The following STXBP5L variants were observed in gnomAD, a reference collection of about 807,000 sequenced individuals.
STXBP5L encodes syntaxin binding protein 5L, also known as syntaxin-binding protein 5-like.
In STXBP5L, 65 loss-of-function variants were observed where a neutral mutation model predicts 144.5. The ratio of observed to expected loss-of-function variants is 0.45; its 90% CI spans 0.37 to 0.55. The LOEUF is 0.55. Ranked by LOEUF, STXBP5L falls within the 20% of genes least tolerant of loss-of-function variation. The probability of loss-of-function intolerance (pLI) is 0.00; values close to 1 mark genes in which losing one functional copy is unlikely to be tolerated. For synonymous variants in STXBP5L, 505 were observed against 469.6 expected, an observed-to-expected ratio of 1.08 and a Z score of -0.97; for missense variants, 1,298 against 1,405.5, an observed-to-expected ratio of 0.92 and a Z score of 1.22.
At chr3:121,141,035 T>C (rs1337310146) in intron 7 of STXBP5L, among the ~76,000 whole-genome samples, 1 of 152,078 alleles carries the variant, frequency 6.6e-6, no homozygotes, top group African/African-American at 2.4e-5. Flanking sequence ...ATAAAAGAAA[T>C]AAACTTTTTA....
chr3:120,917,716 ATAAG>A (rs1041198055), intron 2 of STXBP5L, among the ~76,000 whole-genome samples: 8 of 152,180 alleles, frequency 5.3e-5, no homozygotes, highest in East Asian at 3.9e-4. Context: ...AGATAAATAA[ATAAG>A]TAAGTAAAAT....
In STXBP5L at chr3:121,336,622, G is replaced by T. The variant is rs558647723; in HGVS notation, c.2176+18082G>T. 9.2e-5 allele frequency among the ~76,000 whole-genome samples: 14 copies of T among 152,218 alleles called. No individual in the cohort carries two copies. The South Asian group carries it at 2.9e-3, about 32-fold the overall frequency. On this transcript the variant is annotated intron_variant, in intron 20 of 26. Transcript: ENST00000471454. ...AAAAAAAAATAACAGATGCTGCAAG[G>T]TTGCAGAGAAAAGGGAATGCTTATA...
chr3:121,027,143 A>G (rs1358929381), intron 3 of STXBP5L, among the ~76,000 whole-genome samples: 1 of 152,002 alleles, frequency 6.6e-6, no homozygotes, highest in Non-Finnish European at 1.5e-5. Flanking sequence ...GTTTATATAT[A>G]TGTATATATC....
intron 5 of STXBP5L, among the ~76,000 whole-genome samples, chr3:121,052,062 G>C (rs1576787142): frequency 6.6e-6 from 1 of 152,054 alleles, no homozygotes; most frequent in African/African-American, 2.4e-5. Context: ...AGACCAATAA[G>C]AGGTTCTGAA....
At chr3:121,106,694 T>A in intron 5 of STXBP5L, among the ~76,000 whole-genome samples, 1 of 152,202 alleles carries the variant, frequency 6.6e-6, no homozygotes, top group East Asian at 1.9e-4. Flanking sequence ...AATAGTGCTG[T>A]AATGAACATA....
chr3:121,122,679 A>G (rs1446654992), intron 7 of STXBP5L, among the ~76,000 whole-genome samples: 2 of 151,390 alleles, frequency 1.3e-5, no homozygotes, highest in African/African-American at 4.8e-5. Context: ...GAATAGTAAG[A>G]CCTCTGCCTC....
At chr3:121,034,648 T>C (rs889885317) in intron 3 of STXBP5L, among the ~76,000 whole-genome samples, 1 of 152,172 alleles carries the variant, frequency 6.6e-6, no homozygotes, top group Non-Finnish European at 1.5e-5. Context: ...ATTGATTCCA[T>C]GTATCTGCTA....
rs1307273120 is a variant in STXBP5L at position 121,195,128 on chromosome 3, G to A, written c.878-10795G>A. Among the ~76,000 whole-genome samples the A allele has an allele frequency of 5.9e-5, 9 of 151,752 alleles. 1 individual carries two copies. Among genetic ancestry groups the A allele is most frequent in the Admixed American group, 5.3e-4 (8 of 15,232 alleles). ...CAAAATTTAGACGGGATTTCATTATGTTGGCCAGGATGGTCTCGATCTCTT... is the reference window on the plus strand; with the variant it reads ...CAAAATTTAGACGGGATTTCATTATATTGGCCAGGATGGTCTCGATCTCTT... On this transcript the variant is annotated intron_variant, in intron 9 of 26. Transcript: ENST00000471454.
At chr3:121,115,325 T>A (rs189265644) in intron 6 of STXBP5L, among the ~76,000 whole-genome samples, 1 of 152,304 alleles carries the variant, frequency 6.6e-6, no homozygotes, top group Admixed American at 6.5e-5. Flanking sequence ...AAGTTATACA[T>A]GGAAATCTCA....
At chr3:120,975,437 T>A (rs1200967656) in intron 3 of STXBP5L, among the ~76,000 whole-genome samples, 1 of 152,200 alleles carries the variant, frequency 6.6e-6, no homozygotes, top group Admixed American at 6.6e-5. Context: ...CTTAAGGAGA[T>A]TTTGGGCTGA....
intron 22 of STXBP5L, among the ~76,000 whole-genome samples, chr3:121,389,573 T>G (rs2046522077): frequency 6.6e-6 from 1 of 152,236 alleles, no homozygotes; most frequent in Admixed American, 6.5e-5. Flanking sequence ...CCAGAGATCC[T>G]GGTACATTGT....
At chr3:120,967,577 T>G (rs1939754162) in intron 3 of STXBP5L, among the ~76,000 whole-genome samples, 1 of 152,200 alleles carries the variant, frequency 6.6e-6, no homozygotes, top group Admixed American at 6.5e-5. Flanking sequence ...TTGTTGATAT[T>G]TGTTTAGTCT....
At chr3:121,312,446 C>CATTTTTTT (rs1468535221) in intron 19 of STXBP5L, among the ~76,000 whole-genome samples, 2 of 12,756 alleles carry the variant, frequency 1.6e-4, no homozygotes, top group Non-Finnish European at 1.2e-4. Context: ...GTATGTCAAT[C>CATTTTTTT]TTTTTTTTTT....
intron 18 of STXBP5L, among the ~76,000 whole-genome samples, chr3:121,268,701 C>A (rs1490854851): frequency 6.6e-6 from 1 of 151,984 alleles, no homozygotes; most frequent in Non-Finnish European, 1.5e-5. Flanking sequence ...GAGAGAAAAA[C>A]CACGGCCACT....
At chr3:121,052,066 T>C (rs1948051614) in intron 5 of STXBP5L, among the ~76,000 whole-genome samples, 1 of 152,052 alleles carries the variant, frequency 6.6e-6, no homozygotes, top group African/African-American at 2.4e-5. Context: ...CAATAAGAGG[T>C]TCTGAAATTG....
intron 5 of STXBP5L, among the ~76,000 whole-genome samples, chr3:121,102,900 C>G (rs1231109791): frequency 6.6e-6 from 1 of 152,018 alleles, no homozygotes; most frequent in Non-Finnish European, 1.5e-5. Flanking sequence ...AAGACCTTAA[C>G]AGACACTTCT....
intron 18 of STXBP5L, among the ~76,000 whole-genome samples, chr3:121,277,191 T>C (rs1490722713): frequency 6.6e-6 from 1 of 152,054 alleles, no homozygotes; most frequent in Non-Finnish European, 1.5e-5. Context: ...CTGTTCCTTA[T>C]AGATAGTACC....
intron 19 of STXBP5L, among the ~76,000 whole-genome samples, chr3:121,300,945 T>C (rs189967604): frequency 1.4e-3 from 209 of 152,326 alleles, no homozygotes; most frequent in African/African-American, 4.6e-3. Context: ...GGTTGATTAC[T>C]GTAGCCTTGT....
chr3:121,196,010 A>G (rs182201538), intron 9 of STXBP5L, among the ~76,000 whole-genome samples: 35 of 152,148 alleles, frequency 2.3e-4, no homozygotes, highest in African/African-American at 8.4e-4. Context: ...TTCTTGTTCA[A>G]TAGTACTTTG....
Sources: allele counts gnomAD v4.1 joint callset (sites outside exome capture counted in the v4.1 genomes callset), GRCh38; gene constraint gnomAD v4.1.1; transcripts MANE v1.5; gene names NCBI Gene and HGNC (gene_info 2026-07-23, HGNC 2026-07-21).